LOC647264: variants seen among roughly 807,000 people sequenced by gnomAD.
At chr13:63,832,756 A>C in the LOC647264 span, among the ~76,000 whole-genome samples, 1 of 152,136 alleles carries the variant, frequency 6.6e-6, no homozygotes, top group East Asian at 1.9e-4. Flanking sequence ...CCAGTTCCAT[A>C]ACCACAGCCA....
chr13:63,832,677 T>C, the LOC647264 span, among the ~76,000 whole-genome samples: 1 of 150,404 alleles, frequency 6.6e-6, no homozygotes, highest in Admixed American at 6.7e-5. Context: ...GCAGGAAGAA[T>C]AGCATCTTCT....
At chr13:63,832,803 G>T in the LOC647264 span, among the ~76,000 whole-genome samples, 2 of 150,332 alleles carry the variant, frequency 1.3e-5, no homozygotes, top group Admixed American at 6.6e-5. Flanking sequence ...GCCACAGCCA[G>T]AGCCAGAGCC....
At chr13:63,832,976 G>A in the LOC647264 span, among the ~76,000 whole-genome samples, 21 of 152,104 alleles carry the variant, frequency 1.4e-4, no homozygotes, top group African/African-American at 4.4e-4. Flanking sequence ...AGGAGTTGCC[G>A]TAGTAGTTGC....
At chr13:63,832,947 T>G in the LOC647264 span, among the ~76,000 whole-genome samples, 1 of 152,218 alleles carries the variant, frequency 6.6e-6, no homozygotes, top group Non-Finnish European at 1.5e-5. Context: ...GCCACAGCCA[T>G]AGCTGGAGCC....
the LOC647264 span, among the ~76,000 whole-genome samples, chr13:63,832,992 ATGT>A: frequency 2.6e-5 from 4 of 152,250 alleles, no homozygotes; most frequent in Non-Finnish European, 5.9e-5. Context: ...GTTGCAACAC[ATGT>A]TGTCAAGAGG....
the LOC647264 span, among the ~76,000 whole-genome samples, chr13:63,832,759 C>A: frequency 2.6e-5 from 4 of 152,004 alleles, no homozygotes; most frequent in Non-Finnish European, 5.9e-5. Context: ...GTTCCATAAC[C>A]ACAGCCATAC....
the LOC647264 span, among the ~76,000 whole-genome samples, chr13:63,832,854 CTGGAG>C: frequency 1.4e-5 from 2 of 145,864 alleles, no homozygotes; most frequent in African/African-American, 5.6e-5. Context: ...ACAGCCATAG[CTGGAG>C]CCATAGCCAC....
At chr13:63,832,882 A>G in the LOC647264 span, among the ~76,000 whole-genome samples, 2 of 139,170 alleles carry the variant, frequency 1.4e-5, no homozygotes, top group Non-Finnish European at 3.0e-5. Context: ...CCATAACCAG[A>G]GCCATAGCCA....
the LOC647264 span, among the ~76,000 whole-genome samples, chr13:63,832,835 G>T: frequency 1.2e-4 from 15 of 120,756 alleles, no homozygotes; most frequent in South Asian, 8.2e-4. Flanking sequence ...TGTAGCCAGA[G>T]CCATAGCCAC....
chr13:63,832,710 C>G, the LOC647264 span, among the ~76,000 whole-genome samples: 1 of 151,696 alleles, frequency 6.6e-6, no homozygotes, highest in Non-Finnish European at 1.5e-5. Flanking sequence ...CCGGTAGCCA[C>G]AGTAGCCAGA....
the LOC647264 span, among the ~76,000 whole-genome samples, chr13:63,832,708 C>T: frequency 6.6e-6 from 1 of 151,404 alleles, no homozygotes; most frequent in African/African-American, 2.4e-5. Flanking sequence ...GGCCGGTAGC[C>T]ACAGTAGCCA....
At chr13:63,832,806 C>A in the LOC647264 span, among the ~76,000 whole-genome samples, 5 of 151,944 alleles carry the variant, frequency 3.3e-5, no homozygotes, top group Admixed American at 2.0e-4. Flanking sequence ...ACAGCCAGAG[C>A]CAGAGCCATA....
At chr13:63,832,872 C>A in the LOC647264 span, among the ~76,000 whole-genome samples, 1 of 152,104 alleles carries the variant, frequency 6.6e-6, no homozygotes, top group Non-Finnish European at 1.5e-5. Context: ...ATAGCCACAG[C>A]CATAACCAGA....
At chr13:63,832,879 CA>C in the LOC647264 span, among the ~76,000 whole-genome samples, 1 of 149,090 alleles carries the variant, frequency 6.7e-6, no homozygotes, top group African/African-American at 2.6e-5. Context: ...CAGCCATAAC[CA>C]GAGCCATAGC....
At chr13:63,832,975 C>T in the LOC647264 span, among the ~76,000 whole-genome samples, 4 of 152,324 alleles carry the variant, frequency 2.6e-5, no homozygotes, top group Admixed American at 6.5e-5. Context: ...CAGGAGTTGC[C>T]GTAGTAGTTG....
At chr13:63,833,033 T>A in the LOC647264 span, among the ~76,000 whole-genome samples, 1 of 152,202 alleles carries the variant, frequency 6.6e-6, no homozygotes, top group Non-Finnish European at 1.5e-5. Context: ...TTCAAGAAGA[T>A]GCTTCTGAGG....
chr13:63,832,999 C>T, the LOC647264 span, among the ~76,000 whole-genome samples: 8 of 152,206 alleles, frequency 5.3e-5, no homozygotes, highest in African/African-American at 1.9e-4. Flanking sequence ...CACATGTTGT[C>T]AAGAGGAGAG....
the LOC647264 span, among the ~76,000 whole-genome samples, chr13:63,833,015 A>G: frequency 6.6e-6 from 1 of 152,054 alleles, no homozygotes; most frequent in Admixed American, 6.5e-5. Context: ...GAGAGAATTG[A>G]GATGGGTTTC....
At chr13:63,832,858 A>C in the LOC647264 span, among the ~76,000 whole-genome samples, 1 of 152,114 alleles carries the variant, frequency 6.6e-6, no homozygotes, top group African/African-American at 2.4e-5. Context: ...CCATAGCTGG[A>C]GCCATAGCCA....
Sources: allele counts gnomAD v4.1 joint callset (sites outside exome capture counted in the v4.1 genomes callset), GRCh38; gene constraint gnomAD v4.1.1; transcripts MANE v1.5.